The following MAML2 variants were observed in gnomAD, a reference collection of about 807,000 sequenced individuals.
The protein encoded by MAML2 is mastermind-like protein 2.
A neutral mutation model predicts 96.1 loss-of-function variants in MAML2; 22 were observed. The ratio of observed to expected loss-of-function variants is 0.23; its 90% confidence interval spans 0.16 to 0.33. The LOEUF (loss-of-function observed/expected upper bound fraction) is 0.33, where lower values mean the gene tolerates loss of function less well. Ranked by LOEUF, MAML2 falls within the 10% of genes least tolerant of loss-of-function variation. The pLI is 1.00. For missense variants in MAML2, 1,367 were observed against 1,392.4 expected, an observed-to-expected ratio of 0.98 and a Z score of 0.29; for synonymous variants, 561 against 521.3, an observed-to-expected ratio of 1.08 and a Z score of -1.04.
chr11:96,163,226 T>C (rs570706206), intron 1 of MAML2, among the ~76,000 whole-genome samples: 1 of 152,316 alleles, frequency 6.6e-6, no homozygotes, highest in East Asian at 1.9e-4. Context: ...AGTTGGCAGT[T>C]GCCAGCCCCA....
chr11:96,140,532 A>T (rs1261138879), intron 1 of MAML2, among the ~76,000 whole-genome samples: 4 of 152,196 alleles, frequency 2.6e-5, no homozygotes, highest in Non-Finnish European at 5.9e-5. Flanking sequence ...GCAAACCATA[A>T]GAAGCTACTC....
At chr11:96,102,104 A>G (rs939022923) in intron 1 of MAML2, among the ~76,000 whole-genome samples, 18 of 152,186 alleles carry the variant, frequency 1.2e-4, no homozygotes, top group African/African-American at 4.3e-4. Flanking sequence ...GTGAAACACC[A>G]TCTCTACTAA....
Position 96,093,179 on chromosome 11 carries a change from G to A in MAML2, c.852C>T (p.Thr284=). The part of the protein sequence containing the change: ...SCSKHMDGQM[T]QENIFPNRYG... ...ACCTATTAGGAAAAATATTCTCTTG[G>A]GTCATTTGGCCATCCATGTGCTTAC... is the stretch of plus-strand genomic sequence containing the variant. The change falls in exon 2 of 5, where the codon ACC becomes ACT. Residue 284 remains threonine (T), a synonymous_variant. Transcript: ENST00000524717. The A allele has an allele frequency of 6.2e-7, 1 of 1,613,896 alleles. No individual in the cohort carries two copies.
At chr11:96,009,073 G>A (rs1018137048) in intron 2 of MAML2, among the ~76,000 whole-genome samples, 1 of 152,088 alleles carries the variant, frequency 6.6e-6, no homozygotes, top group Admixed American at 6.5e-5. Flanking sequence ...CTAAATGAAA[G>A]TATTTTGAGT....
chr11:96,201,704 G>A (rs920496910), intron 1 of MAML2, among the ~76,000 whole-genome samples: 12 of 152,096 alleles, frequency 7.9e-5, no homozygotes, highest in African/African-American at 2.9e-4. Flanking sequence ...CGGATCACGA[G>A]GTCAGGAGAT....
intron 2 of MAML2, among the ~76,000 whole-genome samples, chr11:96,075,968 G>GA (rs1329814641): frequency 1.3e-5 from 2 of 152,210 alleles, no homozygotes; most frequent in Non-Finnish European, 2.9e-5. Context: ...ACACTGAAGT[G>GA]AACCTTGGGT....
chr11:96,200,075 A>G (rs1164410643), intron 1 of MAML2, among the ~76,000 whole-genome samples: 2 of 152,178 alleles, frequency 1.3e-5, no homozygotes, highest in East Asian at 1.9e-4. Flanking sequence ...TAAGAAATAA[A>G]AGTGTGACTA....
intron 2 of MAML2, among the ~76,000 whole-genome samples, chr11:96,009,258 C>T (rs1858232121): frequency 6.6e-6 from 1 of 152,128 alleles, no homozygotes; most frequent in Non-Finnish European, 1.5e-5. Flanking sequence ...TCCTTTACAT[C>T]TTCATTAAAT....
At chr11:96,110,471 T>C (rs1860099482) in intron 1 of MAML2, among the ~76,000 whole-genome samples, 1 of 152,212 alleles carries the variant, frequency 6.6e-6, no homozygotes, top group Non-Finnish European at 1.5e-5. Flanking sequence ...GCAGAGAGGC[T>C]GCAATTCCTT....
chr11:96,215,344 G>A (rs573546385), intron 1 of MAML2, among the ~76,000 whole-genome samples: 1 of 152,292 alleles, frequency 6.6e-6, no homozygotes, highest in Non-Finnish European at 1.5e-5. Context: ...AAGGCCTCAC[G>A]ACCTCTTTAA....
chr11:96,005,647 C>T (rs908342697), intron 2 of MAML2, among the ~76,000 whole-genome samples: 5 of 152,188 alleles, frequency 3.3e-5, no homozygotes, highest in African/African-American at 1.2e-4. Flanking sequence ...GAAGTAAATA[C>T]ACTGAAGCTT....
chr11:96,042,744 C>CTT (rs767509829), intron 2 of MAML2, among the ~76,000 whole-genome samples: 16,333 of 116,116 alleles, frequency 0.14, 2,357 homozygotes, highest in African/African-American at 0.3. Flanking sequence ...CGTTAACGTT[C>CTT]TTTTTTTTTT....
intron 1 of MAML2, among the ~76,000 whole-genome samples, chr11:96,222,482 A>G (rs10765799): frequency 0.76 from 115,933 of 152,042 alleles, 44,556 homozygotes; most frequent in African/African-American, 0.82. Context: ...ACACTTCTTT[A>G]GAGAGCAGGG....
At chr11:96,320,285 G>C (rs1387946831) in intron 1 of MAML2, among the ~76,000 whole-genome samples, 1 of 152,208 alleles carries the variant, frequency 6.6e-6, no homozygotes, top group Non-Finnish European at 1.5e-5. Flanking sequence ...AGTACAGTCA[G>C]GGGTCTGCTG....
intron 2 of MAML2, among the ~76,000 whole-genome samples, chr11:96,045,155 G>C (rs1858876501): frequency 6.6e-6 from 1 of 152,162 alleles, no homozygotes; most frequent in Admixed American, 6.5e-5. Flanking sequence ...TTTGCTCAAA[G>C]GTTTTCCTGT....
intron 1 of MAML2, among the ~76,000 whole-genome samples, chr11:96,188,662 A>G (rs957682849): frequency 4.6e-5 from 7 of 151,556 alleles, no homozygotes; most frequent in African/African-American, 7.3e-5. Flanking sequence ...TTCCTTTCCC[A>G]TAATGTAATG....
At chr11:96,128,016 T>A (rs1860478969) in intron 1 of MAML2, among the ~76,000 whole-genome samples, 1 of 152,198 alleles carries the variant, frequency 6.6e-6, no homozygotes, top group East Asian at 1.9e-4. Flanking sequence ...CACCTGGATA[T>A]CTTGTTACCA....
At chr11:96,267,685 G>C (rs1224800292) in intron 1 of MAML2, among the ~76,000 whole-genome samples, 3 of 152,196 alleles carry the variant, frequency 2.0e-5, no homozygotes, top group African/African-American at 7.2e-5. Context: ...AGTGCTACCT[G>C]TTCTGACCTC....
chr11:96,287,547 A>G (rs1004491541), intron 1 of MAML2, among the ~76,000 whole-genome samples: 3 of 152,226 alleles, frequency 2.0e-5, no homozygotes, highest in Non-Finnish European at 4.4e-5. Flanking sequence ...TTTCATATAA[A>G]TGTATTATAG....
Sources: allele counts gnomAD v4.1 joint callset (sites outside exome capture counted in the v4.1 genomes callset), GRCh38; gene constraint gnomAD v4.1.1; transcripts MANE v1.5; gene names NCBI Gene and HGNC (gene_info 2026-07-23, HGNC 2026-07-21).